Variants in NRG1 observed in about 807,000 individuals in gnomAD.
The protein encoded by NRG1 is neuregulin 1.
NRG1 carries 18 observed loss-of-function variants against 63.8 expected under a neutral mutation model. The observed-to-expected ratio is 0.28, with a 90% CI of 0.19 to 0.42. The LOEUF (loss-of-function observed/expected upper bound fraction) is 0.42, where lower values mean the gene tolerates loss of function less well. Among genes scored for constraint, NRG1 ranks in the 10% least tolerant of loss-of-function variants. NRG1 has a pLI of 1.00. For synonymous variants in NRG1, 302 were observed against 301.3 expected (o/e 1.00, Z -0.02); for missense variants, 762 against 814.7 (o/e 0.94, Z 0.79).
At chr8:32,542,373 G>A (rs1283320973) in intron 1 of NRG1, among the ~76,000 whole-genome samples, 1 of 152,078 alleles carries the variant, frequency 6.6e-6, no homozygotes, top group Non-Finnish European at 1.5e-5. Flanking sequence ...AAATTTGACT[G>A]AATAAACCTA....
intron 1 of NRG1, among the ~76,000 whole-genome samples, chr8:32,076,196 C>G (rs527676557): frequency 2.1e-4 from 32 of 152,118 alleles, no homozygotes; most frequent in Non-Finnish European, 4.6e-4. Context: ...TCTCCTGACC[C>G]TTTCATGAGC....
chr8:32,103,844 G>T (rs1830892770), intron 1 of NRG1, among the ~76,000 whole-genome samples: 1 of 152,160 alleles, frequency 6.6e-6, no homozygotes, highest in Non-Finnish European at 1.5e-5. Flanking sequence ...AGGAGGTAGG[G>T]TTGGAGGCGC....
At chr8:32,760,277 G>A (rs751378256) in exon 11 of NRG1, 1 of 1,614,106 alleles carries the variant, frequency 6.2e-7, no homozygotes, top group African/African-American at 1.3e-5. Flanking sequence ...GAAAACAGTA[G>A]GCACAGCAGC....
intron 7 of NRG1, among the ~76,000 whole-genome samples, chr8:32,747,667 T>C (rs1029515962): frequency 6.6e-6 from 1 of 151,000 alleles, no homozygotes; most frequent in African/African-American, 2.4e-5. Context: ...ATATAGTGCT[T>C]CCCATTATCC....
intron 1 of NRG1, among the ~76,000 whole-genome samples, chr8:32,581,180 T>G (rs1257395937): frequency 6.6e-6 from 1 of 152,228 alleles, no homozygotes; most frequent in African/African-American, 2.4e-5. Flanking sequence ...GCAATGTAAC[T>G]GATGCACAAT....
chr8:32,387,714 T>A (rs1435241676), intron 1 of NRG1, among the ~76,000 whole-genome samples: 1 of 118,196 alleles, frequency 8.5e-6, no homozygotes, highest in Non-Finnish European at 1.9e-5. Flanking sequence ...AGTGGTGACA[T>A]GATGAAAAAG....
At chr8:32,207,585 T>G (rs1586089414) in intron 1 of NRG1, among the ~76,000 whole-genome samples, 2 of 152,312 alleles carry the variant, frequency 1.3e-5, no homozygotes, top group East Asian at 3.9e-4. Flanking sequence ...CTAATCTTTA[T>G]GAATGAAATT....
chr8:32,734,233 A>G (rs1824440548), intron 6 of NRG1, among the ~76,000 whole-genome samples: 1 of 152,200 alleles, frequency 6.6e-6, no homozygotes, highest in Non-Finnish European at 1.5e-5. Flanking sequence ...TAAAATACTG[A>G]CATAATGATG....
intron 1 of NRG1, among the ~76,000 whole-genome samples, chr8:32,178,926 TG>T (rs1297455070): frequency 6.6e-6 from 1 of 151,970 alleles, no homozygotes; most frequent in Non-Finnish European, 1.5e-5. Context: ...TGATAGAAAC[TG>T]ATGGACATAA....
intron 1 of NRG1, among the ~76,000 whole-genome samples, chr8:31,835,395 T>C (rs985255073): frequency 2.0e-5 from 3 of 152,188 alleles, no homozygotes; most frequent in Admixed American, 6.5e-5. Flanking sequence ...TTTGAGAACA[T>C]GTAGTTTGTT....
intron 1 of NRG1, among the ~76,000 whole-genome samples, chr8:31,755,496 A>G (rs1816878095): frequency 6.6e-6 from 1 of 152,114 alleles, no homozygotes; most frequent in South Asian, 2.1e-4. Context: ...TTGAGTGACT[A>G]GCAAGTGTTC....
intron 1 of NRG1, among the ~76,000 whole-genome samples, chr8:31,957,903 T>C (rs140466747): frequency 1.3e-5 from 2 of 152,330 alleles, no homozygotes; most frequent in East Asian, 1.9e-4. Context: ...GAAGAATATG[T>C]TGAGTTGACT....
intron 1 of NRG1, among the ~76,000 whole-genome samples, chr8:31,920,359 A>G (rs1054704521): frequency 2.6e-5 from 4 of 152,134 alleles, no homozygotes; most frequent in Non-Finnish European, 5.9e-5. Context: ...TTTGGCTCAA[A>G]TCTTTTAATT....
At chr8:32,224,538 T>C (rs1846135161) in intron 1 of NRG1, among the ~76,000 whole-genome samples, 1 of 152,240 alleles carries the variant, frequency 6.6e-6, no homozygotes, top group Non-Finnish European at 1.5e-5. Context: ...GCTATAATCC[T>C]GTCTGCATTA....
intron 1 of NRG1, among the ~76,000 whole-genome samples, chr8:31,784,689 TATGACTTCTCAGCACCTGTG>T (rs2131629657): frequency 6.6e-6 from 1 of 152,292 alleles, no homozygotes; most frequent in East Asian, 1.9e-4. Context: ...TCTCTAATCA[TATGACTTCTCAGCACCTGTG>T]ATGCCAGGAC....
chr8:32,136,057 G>C, intron 1 of NRG1, among the ~76,000 whole-genome samples: 1 of 151,930 alleles, frequency 6.6e-6, no homozygotes. Context: ...TCATTCTCTA[G>C]GTGCCCTTTG....
intron 1 of NRG1, among the ~76,000 whole-genome samples, chr8:31,924,304 T>C (rs956768653): frequency 7.2e-5 from 11 of 151,886 alleles, no homozygotes; most frequent in African/African-American, 2.7e-4. Flanking sequence ...TGAGCTGAGA[T>C]TGCTCCACTG....
At chr8:31,855,867 T>C (rs1362049515) in intron 1 of NRG1, among the ~76,000 whole-genome samples, 7 of 152,096 alleles carry the variant, frequency 4.6e-5, no homozygotes, top group African/African-American at 1.2e-4. Flanking sequence ...CTCCTTCACT[T>C]ATGAAGCTTA....
intron 1 of NRG1, among the ~76,000 whole-genome samples, chr8:32,203,305 T>A (rs1285661931): frequency 6.8e-6 from 1 of 147,862 alleles, no homozygotes. Flanking sequence ...ATCTACGGAG[T>A]GTGGAAGTTT....
Sources: allele counts gnomAD v4.1 joint callset (sites outside exome capture counted in the v4.1 genomes callset), GRCh38; gene constraint gnomAD v4.1.1; transcripts MANE v1.5; gene names NCBI Gene and HGNC (gene_info 2026-07-23, HGNC 2026-07-21).